Variants in CFH observed in about 807,000 individuals in gnomAD.
The protein encoded by CFH is complement factor H.
In CFH, 53 loss-of-function variants were observed where a neutral mutation model predicts 147.3. The ratio of observed to expected loss-of-function variants is 0.36; its 90% CI spans 0.29 to 0.45. The LOEUF (loss-of-function observed/expected upper bound fraction) is 0.45. Among genes scored for constraint, CFH ranks in the 20% least tolerant of loss-of-function variants. The pLI is 1.00. For missense variants in CFH, 1,380 were observed against 1,498.0 expected (o/e 0.92, Z 1.30); for synonymous variants, 536 against 489.4 (o/e 1.10, Z -1.26).
At chr1:196,699,870 T>A (rs180736370) in intron 9 of CFH, among the ~76,000 whole-genome samples, 1 of 152,288 alleles carries the variant, frequency 6.6e-6, no homozygotes, top group Admixed American at 6.5e-5. Flanking sequence ...TCAATGGTAA[T>A]CATTAGGCTA....
At chr1:196,703,256 G>A (rs1668505185) in intron 9 of CFH, among the ~76,000 whole-genome samples, 1 of 152,076 alleles carries the variant, frequency 6.6e-6, no homozygotes, top group Non-Finnish European at 1.5e-5. Context: ...GCCCCCAAAG[G>A]CCAATAAAAA....
At chr1:196,682,347 G>A (rs1459622322) in intron 6 of CFH, among the ~76,000 whole-genome samples, 1 of 151,596 alleles carries the variant, frequency 6.6e-6, no homozygotes, top group African/African-American at 2.4e-5. Flanking sequence ...TATTGTTTTG[G>A]ATAAAGGTAC....
At chr1:196,743,129 T>C (rs1216663061) in intron 19 of CFH, among the ~76,000 whole-genome samples, 8 of 152,102 alleles carry the variant, frequency 5.3e-5, no homozygotes, top group Non-Finnish European at 8.8e-5. Flanking sequence ...ATAGAACTGG[T>C]AATATTTGTT....
intron 9 of CFH, among the ~76,000 whole-genome samples, chr1:196,704,290 T>G (rs941919769): frequency 6.6e-6 from 1 of 152,100 alleles, no homozygotes; most frequent in Non-Finnish European, 1.5e-5. Context: ...AGACAGGGTT[T>G]CACCATGTTT....
rs779889070 is a variant in CFH at position 196,737,676 on chromosome 1, A to G, written c.2782+16A>G. 6.2e-7 allele frequency: 1 copy of G among 1,606,306 alleles called. No individual in the cohort carries two copies. Among genetic ancestry groups the G allele is most frequent in the South Asian group, 1.1e-5 (1 of 90,836 alleles). ...CAGTGTGAAGGTTAGGCCAATATGAATACTCAATTTCTGTTTATAGTAGAA... is the reference window on the plus strand; with the variant it reads ...CAGTGTGAAGGTTAGGCCAATATGAGTACTCAATTTCTGTTTATAGTAGAA... On this transcript the variant is annotated intron_variant, in intron 17 of 21. Coordinates refer to ENST00000367429, the MANE Select transcript of CFH (RefSeq NM_000186.4).
Position 196,725,279 on chromosome 1 carries a change from G to C in CFH, c.1855G>C (p.Asp619His). ...GTGCTACCACTTTGGATTGTCTCCT[G>C]ACCTCCCAATATGTAAAGGTGAATG... The part of the protein sequence containing the change: ...VQCYHFGLSP[D>H]LPICKEQVQS... Residue 619 changes from aspartate to histidine, a missense_variant, in exon 12 of 22, where the codon GAC becomes CAC. By Grantham distance (81) the Asp-to-His change is moderately conservative (BLOSUM62 -1). Transcript: ENST00000367429. The C allele has an allele frequency of 6.2e-7, 1 of 1,613,710 alleles. No homozygotes were observed. The highest frequency in any genetic ancestry group is 8.5e-7 in the Non-Finnish European group (1 of 1,179,762).
At chr1:196,664,161 C>A (rs1254074416) in intron 1 of CFH, among the ~76,000 whole-genome samples, 1 of 151,958 alleles carries the variant, frequency 6.6e-6, no homozygotes, top group Non-Finnish European at 1.5e-5. Context: ...GCTCAAGAGA[C>A]CCTCCTGTCC....
At chr1:196,719,376 G>A (rs982749731) in intron 11 of CFH, among the ~76,000 whole-genome samples, 4 of 151,882 alleles carry the variant, frequency 2.6e-5, no homozygotes, top group African/African-American at 9.7e-5. Context: ...GAATTGCTAT[G>A]TAGAAGATTG....
chr1:196,691,236 G>A (rs1289130709), intron 9 of CFH, among the ~76,000 whole-genome samples: 1 of 151,860 alleles, frequency 6.6e-6, no homozygotes, highest in African/African-American at 2.4e-5. Flanking sequence ...TAAATACGAT[G>A]ATACCCAATA....
intron 9 of CFH, among the ~76,000 whole-genome samples, chr1:196,708,172 T>C (rs1213696937): frequency 1.3e-5 from 2 of 152,330 alleles, no homozygotes; most frequent in East Asian, 3.9e-4. Context: ...ACACTGTAGT[T>C]CAACTGTTTC....
At chr1:196,740,489 G>T in intron 17 of CFH, 130 bp from the exon 18 acceptor site, 1 of 889,754 alleles carries the variant, frequency 1.1e-6, no homozygotes. Flanking sequence ...AAACATTTGT[G>T]TTACTTCTCT....
Position 196,673,103 on chromosome 1 carries a change from G to C in CFH, c.184G>C (p.Val62Leu). The C allele has an allele frequency of 6.2e-7, 1 of 1,613,506 alleles. No individual in the cohort carries two copies. Among genetic ancestry groups the C allele is most frequent in the Non-Finnish European group, 8.5e-7 (1 of 1,179,712 alleles). Reference protein sequence around the residue: ...CRPGYRSLGNVIMVCRKGEWV... With the variant: ...CRPGYRSLGNLIMVCRKGEWV... Reference sequence around the variant, plus strand: ...CCCTGGATATAGATCTCTTGGAAATGTAATAATGGTATGCAGGAAGGGAGA... The same window carrying C: ...CCCTGGATATAGATCTCTTGGAAATCTAATAATGGTATGCAGGAAGGGAGA... The change falls in exon 2 of 22, where the codon GTA becomes CTA. Residue 62 changes from valine to leucine, a missense_variant. Physicochemically the swap from Val to Leu is conservative, Grantham distance 32. Coordinates refer to ENST00000367429, the MANE Select transcript of CFH (RefSeq NM_000186.4).
chr1:196,675,400 A>G (rs978100034), intron 3 of CFH, among the ~76,000 whole-genome samples: 1 of 152,166 alleles, frequency 6.6e-6, no homozygotes, highest in Non-Finnish European at 1.5e-5. Context: ...AAGTGCTGAA[A>G]GTAAATCACA....
At position 196,725,280 on chromosome 1, in the gene CFH, A is replaced by G. The variant is rs769701959; in HGVS notation, c.1856A>G (p.Asp619Gly). The change falls in exon 12 of 22, where the codon GAC becomes GGC. Residue 619 changes from aspartate (D) to glycine (G), a missense_variant. Asp to Gly is a moderately conservative substitution (Grantham distance 94, BLOSUM62 -1). This residue lies in a region of CFH where 830 missense variants were observed against 821.4 expected (regional missense o/e 1.01). Transcript: ENST00000367429. ...TGCTACCACTTTGGATTGTCTCCTG[A>G]CCTCCCAATATGTAAAGGTGAATGC... ...VQCYHFGLSPDLPICKEQVQS... is the reference protein window; with the variant it reads ...VQCYHFGLSPGLPICKEQVQS... 33 of 1,613,642 alleles carry G rather than the reference A, an allele frequency of 2.0e-5. No homozygotes were observed. The highest frequency in any genetic ancestry group is 2.7e-5 in the Non-Finnish European group (32 of 1,179,768).
Position 196,703,312 on chromosome 1 carries a change from G to T in CFH, c.1337-10423G>T, listed in dbSNP as rs200692152. On this transcript the variant is annotated intron_variant, in intron 9 of 21. Transcript: ENST00000367429. ...CCAACCAGTGTGCTTACTGCAACAG[G>T]GGGGACACTGAGTGGAAAATTTCTC... Among the ~76,000 whole-genome samples the T allele has an allele frequency of 1.5e-4, 23 of 152,268 alleles. No individual in the cohort carries two copies. The East Asian group carries it at 4.3e-3, about 28-fold the overall frequency.
chr1:196,695,916 G>A (rs978363191), intron 9 of CFH, among the ~76,000 whole-genome samples: 1 of 151,968 alleles, frequency 6.6e-6, no homozygotes, highest in Non-Finnish European at 1.5e-5. Context: ...AGACAGTGGG[G>A]TTTTCTAAAT....
intron 1 of CFH, among the ~76,000 whole-genome samples, chr1:196,662,289 T>A (rs1472157799): frequency 6.6e-6 from 1 of 152,336 alleles, no homozygotes; most frequent in South Asian, 2.1e-4. Flanking sequence ...TTCTGGACAC[T>A]GTGAAGAACT....
At chr1:196,684,598 A>G (rs946756383) in intron 6 of CFH, among the ~76,000 whole-genome samples, 2 of 151,982 alleles carry the variant, frequency 1.3e-5, no homozygotes, top group African/African-American at 4.8e-5. Flanking sequence ...AGTGGAAGAT[A>G]TTACTTCCAC....
At chr1:196,657,520 T>C (rs960845204) in intron 1 of CFH, among the ~76,000 whole-genome samples, 1 of 152,174 alleles carries the variant, frequency 6.6e-6, no homozygotes, top group African/African-American at 2.4e-5. Context: ...GAGCCAAATG[T>C]AGAATTTAAG....
Sources: allele counts gnomAD v4.1 joint callset (sites outside exome capture counted in the v4.1 genomes callset), GRCh38; gene constraint gnomAD v4.1.1; regional missense constraint gnomAD v4.1.1; transcripts MANE v1.5; gene names NCBI Gene and HGNC (gene_info 2026-07-23, HGNC 2026-07-21).